The following FAT4 variants were observed in gnomAD, a reference collection of about 807,000 sequenced individuals.
FAT4 encodes the protein protocadherin Fat 4.
FAT4 carries 84 observed loss-of-function variants against 303.9 expected under a neutral mutation model. The observed-to-expected ratio is 0.28, with a 90% CI of 0.23 to 0.33. The LOEUF (loss-of-function observed/expected upper bound fraction) is 0.33, where lower values mean the gene tolerates loss of function less well. Among genes scored for constraint, FAT4 ranks in the 10% least tolerant of loss-of-function variants. The pLI, the probability that FAT4 is intolerant of heterozygous loss-of-function variation, is 1.00. For synonymous variants in FAT4, 2,307 were observed against 2,298.8 expected (o/e 1.00, Z -0.10); for missense variants, 6,005 against 6,146.8 (o/e 0.98, Z 0.77).
intron 2 of FAT4, among the ~76,000 whole-genome samples, chr4:125,382,195 C>T (rs1388218798): frequency 6.6e-6 from 1 of 152,164 alleles, no homozygotes; most frequent in African/African-American, 2.4e-5. Context: ...TCTTTAATGG[C>T]ATCTAGAATG....
At chr4:125,457,150 CA>C (rs1457038195) in intron 10 of FAT4, among the ~76,000 whole-genome samples, 2,303 of 133,200 alleles carry the variant, frequency 0.017, 70 homozygotes, top group East Asian at 0.086. Flanking sequence ...CACACACACA[CA>C]CACACCACTG....
intron 2 of FAT4, among the ~76,000 whole-genome samples, chr4:125,391,456 G>A (rs1733975533): frequency 1.3e-5 from 2 of 152,068 alleles, no homozygotes; most frequent in Non-Finnish European, 1.5e-5. Context: ...CTCATAAGTG[G>A]AAGTTGAACA....
chr4:125,351,448 A>C (rs1452771177), intron 2 of FAT4, among the ~76,000 whole-genome samples: 1 of 151,756 alleles, frequency 6.6e-6, no homozygotes, highest in African/African-American at 2.4e-5. Context: ...CATGTGATGC[A>C]TGTTATTTTG....
intron 12 of FAT4, 70 bp downstream of exon 12, chr4:125,468,889 A>G (rs899948908): frequency 1.4e-6 from 2 of 1,428,268 alleles, no homozygotes; most frequent in African/African-American, 2.9e-5. Flanking sequence ...ATTGGGGTGC[A>G]AATCATGTTA....
rs1727162135 is a variant in FAT4 at position 125,479,841 on chromosome 4, C to T, written c.12580C>T (p.Leu4194Phe). Residue 4194 changes from leucine (L) to phenylalanine (F), a missense_variant, in exon 15 of 18, where the codon CTC becomes TTC. By Grantham distance (22) the Leu-to-Phe change is conservative. Transcript: ENST00000394329. ...SWQQCHCKEG[L>F]TGKYCEKSVT... is the part of the protein sequence containing the mutation. ...GCAGCAGTGTCATTGCAAAGAGGGA[C>T]TCACTGGGAAATACTGTGAAAAATG... 4 of 1,597,844 alleles carry T rather than the reference C, an allele frequency of 2.5e-6. No individual in the cohort carries two copies. The highest frequency in any genetic ancestry group is 3.4e-6 in the Non-Finnish European group (4 of 1,168,784).
rs112827786 is a variant in FAT4 at position 125,349,828 on chromosome 4, A to G, written c.5175+28242A>G. 9.3e-3 allele frequency among the ~76,000 whole-genome samples: 1,419 copies of G among 151,792 alleles called. 26 individuals are homozygous for G. Among genetic ancestry groups the G allele is most frequent in the African/African-American group, 0.032 (1,342 of 41,488 alleles). Reference sequence around the variant, plus strand: ...CAAATAACTGTTATTATTTTTTACAAAGGTGAAGGACAATAAAAATTGACT... The same window carrying G: ...CAAATAACTGTTATTATTTTTTACAGAGGTGAAGGACAATAAAAATTGACT... On this transcript the variant is annotated intron_variant, in intron 2 of 17. Transcript: ENST00000394329.
At chr4:125,357,844 G>A (rs893181461) in intron 2 of FAT4, among the ~76,000 whole-genome samples, 4 of 152,104 alleles carry the variant, frequency 2.6e-5, no homozygotes, top group Non-Finnish European at 4.4e-5. Flanking sequence ...CTCAGAAAAC[G>A]TCTTGACATT....
At chr4:125,334,764 C>T (rs1253969477) in intron 2 of FAT4, among the ~76,000 whole-genome samples, 2 of 151,976 alleles carry the variant, frequency 1.3e-5, no homozygotes, top group Non-Finnish European at 2.9e-5. Flanking sequence ...TAGAATTTTC[C>T]TCACCAGTAG....
At chr4:125,398,511 T>C (rs1358634335) in intron 2 of FAT4, among the ~76,000 whole-genome samples, 1 of 152,166 alleles carries the variant, frequency 6.6e-6, no homozygotes, top group African/African-American at 2.4e-5. Flanking sequence ...AAATGACAGT[T>C]AATCAGTGGA....
rs979826986 is a variant in FAT4 at position 125,417,918 on chromosome 4, A to G, written c.7018+1296A>G. On this transcript the variant is annotated intron_variant, in intron 7 of 17. Coordinates refer to ENST00000394329, the MANE Select transcript of FAT4 (RefSeq NM_001291303.3). ...ATACAGAAAACAGAAGTTGTGAGGAAAGTTGAACTGGGTGATCTTGAAATT... is the reference window on the plus strand; with the variant it reads ...ATACAGAAAACAGAAGTTGTGAGGAGAGTTGAACTGGGTGATCTTGAAATT... Among the ~76,000 whole-genome samples, 3 of 152,182 alleles carry G rather than the reference A, an allele frequency of 2.0e-5. No homozygotes were observed. The South Asian group carries it at 6.2e-4, about 32-fold the overall frequency.
chr4:125,486,518 C>T (rs1337170284), intron 16 of FAT4, among the ~76,000 whole-genome samples: 1 of 152,166 alleles, frequency 6.6e-6, no homozygotes, highest in Non-Finnish European at 1.5e-5. Context: ...CCTGCCAACA[C>T]ACCAGCTCTG....
At chr4:125,405,188 C>CT (rs1394193437) in intron 3 of FAT4, among the ~76,000 whole-genome samples, 6 of 152,092 alleles carry the variant, frequency 3.9e-5, no homozygotes, top group Non-Finnish European at 8.8e-5. Context: ...CCTATATCAC[C>CT]TTTTTTTATC....
rs941898057 is a variant in FAT4 at position 125,451,038 on chromosome 4, G to A, written c.10028G>A (p.Ser3343Asn). ...GEVHYLIFGN[S>N]RKKGFQINKK... ...GTACACTATTTGATTTTTGGTAATA[G>A]TCGAAAGAAGGGTTTCCAGATCAAT... The change falls in exon 10 of 18, where the codon AGT (serine) becomes AAT (asparagine). Residue 3343 changes from serine to asparagine, a missense_variant. Ser to Asn is a conservative substitution (Grantham distance 46, BLOSUM62 1). Transcript: ENST00000394329. 2 of 1,613,922 alleles carry A rather than the reference G, an allele frequency of 1.2e-6. No individual in the cohort carries two copies. Among genetic ancestry groups the A allele is most frequent in the African/African-American group, 2.7e-5 (2 of 74,900 alleles).
intron 10 of FAT4, among the ~76,000 whole-genome samples, chr4:125,455,637 G>T (rs1726252622): frequency 6.6e-6 from 1 of 152,160 alleles, no homozygotes; most frequent in African/African-American, 2.4e-5. Context: ...GTTCTAACTA[G>T]TTTTTTACTA....
chr4:125,394,532 TAAC>T (rs1030672673), intron 2 of FAT4, among the ~76,000 whole-genome samples: 1 of 152,194 alleles, frequency 6.6e-6, no homozygotes, highest in Admixed American at 6.6e-5. Flanking sequence ...AAACCACTAA[TAAC>T]AACTGTCTTC....
Position 125,320,843 on chromosome 4 carries a change from A to G in FAT4, c.4432A>G (p.Ile1478Val), listed in dbSNP as rs200565115. ...TACCATAGATGAAGTCAAAGGGACT[A>G]TATATACTAATGCTGAAATAGATCG... ...HFTIDEVKGT[I>V]YTNAEIDREF... The change falls in exon 2 of 18, where the codon ATA (isoleucine) becomes GTA (valine). Residue 1478 changes from isoleucine to valine, a missense_variant. Coordinates refer to ENST00000394329, the MANE Select transcript of FAT4 (RefSeq NM_001291303.3). The G allele has an allele frequency of 1.2e-6, 2 of 1,614,192 alleles. No homozygotes were observed. The highest frequency in any genetic ancestry group is 1.6e-4 in the Middle Eastern group (1 of 6,062).
chr4:125,468,656 A>G lies in FAT4; in HGVS notation c.12050A>G (p.Tyr4017Cys), dbSNP rs1213045395. 2 of 1,613,988 alleles carry G rather than the reference A, an allele frequency of 1.2e-6. No homozygotes were observed. The highest frequency in any genetic ancestry group is 8.5e-7 in the Non-Finnish European group (1 of 1,180,024). Reference sequence around the variant, plus strand: ...AGTCATGCCTTATTGCTTTACAACTATGACAACCAGACAGGCGACCGGGCT... The same window carrying G: ...AGTCATGCCTTATTGCTTTACAACTGTGACAACCAGACAGGCGACCGGGCT... ...IKSHALLLYNYDNQTGDRAEF... is the reference protein window; with the variant it reads ...IKSHALLLYNCDNQTGDRAEF... The change falls in exon 12 of 18, where the codon TAT (tyrosine) becomes TGT (cysteine). Residue 4017 changes from tyrosine (Y) to cysteine (C), a missense_variant. By Grantham distance (194) the Tyr-to-Cys change is radical (BLOSUM62 -2). Transcript: ENST00000394329.
chr4:125,451,203 T>A lies in FAT4; in HGVS notation c.10193T>A (p.Leu3398His). ...GAGGTCACTGTAAATGTCACCGTGC[T>A]TGATGCAAATGACCCACCCATTTTT... ...IDEVTVNVTV[L>H]DANDPPIFTL... The change falls in exon 10 of 18, where the codon CTT becomes CAT. Residue 3398 changes from leucine to histidine, a missense_variant. Coordinates refer to ENST00000394329, the MANE Select transcript of FAT4 (RefSeq NM_001291303.3). 6.2e-7 allele frequency: 1 copy of A among 1,614,120 alleles called. No homozygotes were observed. Among genetic ancestry groups the A allele is most frequent in the Non-Finnish European group, 8.5e-7 (1 of 1,180,018 alleles).
At chr4:125,371,195 ATTATTTTATAGGG>A (rs1011299854) in intron 2 of FAT4, among the ~76,000 whole-genome samples, 6 of 151,710 alleles carry the variant, frequency 4.0e-5, no homozygotes, top group Non-Finnish European at 2.9e-5. Flanking sequence ...ACTGATAGGC[ATTATTTTATAGGG>A]TTATTTTATA....
Sources: allele counts gnomAD v4.1 joint callset (sites outside exome capture counted in the v4.1 genomes callset), GRCh38; gene constraint gnomAD v4.1.1; transcripts MANE v1.5; gene names NCBI Gene and HGNC (gene_info 2026-07-23, HGNC 2026-07-21).